WIZ: variants seen among roughly 807,000 people sequenced by gnomAD.
WIZ encodes protein Wiz.
Under a neutral mutation model 140.2 loss-of-function variants are expected in WIZ, and 25 were observed. That is an observed-to-expected ratio of 0.18 (90% CI 0.13 to 0.25). WIZ has a LOEUF of 0.25. WIZ is among the 10% of genes least tolerant of loss of function. The pLI is 1.00. For missense variants in WIZ, 2,231 were observed against 2,632.6 expected (o/e 0.85, Z 3.34); for synonymous variants, 1,125 against 1,154.3 (o/e 0.97, Z 0.51).
rs1437501985 is a variant in WIZ, at chr19:15,428,261, G to A, written c.3663C>T (p.Ala1221=). 6.5e-7 allele frequency: 1 copy of A among 1,528,270 alleles called. No homozygotes were observed. Among genetic ancestry groups the A allele is most frequent in the Admixed American group, 2.0e-5 (1 of 49,898 alleles). The allele number at this position is 1,528,270 out of a possible 1,614,324, so 94.7% of individuals were successfully genotyped here. A position where few individuals can be genotyped will look rare whatever the true frequency, so the allele number is the denominator to read the frequency against. The part of the protein sequence containing the change: ...HPGRPPPTSA[A]LSLLPPPPPA... ...GCGGTGGGGGGGGAAGCAAGGAGAGGGCCGCGGAGGTGGGAGGCGGCCGCC... is the reference window on the plus strand; with the variant it reads ...GCGGTGGGGGGGGAAGCAAGGAGAGAGCCGCGGAGGTGGGAGGCGGCCGCC... Residue 1221 remains alanine (A), a synonymous_variant, in exon 8 of 13, where the codon GCC becomes GCT. Coordinates refer to ENST00000673675, the MANE Select transcript of WIZ (RefSeq NM_001371589.1). The surrounding 1 kb of genome is among the most constrained non-coding windows in gnomAD (Gnocchi z 6.4).
In WIZ at chr19:15,421,025, A is replaced by G. The variant is rs1968348214; in HGVS notation, c.*2051T>C. On this transcript the variant is annotated 3_prime_UTR_variant, in exon 13 of 13. Transcript: ENST00000673675. ...CAGCTACCTGGATGGCTGAGGCAGGAGAATCACTTGAACCCAGGAGGCAGA... is the reference window on the plus strand; with the variant it reads ...CAGCTACCTGGATGGCTGAGGCAGGGGAATCACTTGAACCCAGGAGGCAGA... 6.6e-6 allele frequency: 1 copy of G among 152,246 alleles called. No homozygotes were observed. Among genetic ancestry groups the G allele is most frequent in the Admixed American group, 6.5e-5 (1 of 15,284 alleles). 9.4% of individuals were successfully genotyped at this position (152,246 alleles called of 1,614,324 possible).
Position 15,439,250 on chromosome 19 carries a change from G to A in WIZ, c.1744C>T (p.Pro582Ser). Residue 582 changes from proline to serine, a missense_variant, in exon 4 of 13, where the codon CCC (proline) becomes TCC (serine). This residue lies in a region of WIZ where 475 missense variants were observed against 520.2 expected (regional missense o/e 0.91). Transcript: ENST00000673675. The surrounding 1 kb of genome is among the most constrained non-coding windows in gnomAD (Gnocchi z 7.0). ...TAGGGGGTGGATGCTAGTGTGGAGG[G>A]AAAGGCCAGCCTTCCGAGAGGCCTC... ...GQRPLGRLAF[P>S]STLASTPYSL... 6.5e-7 allele frequency: 1 copy of A among 1,535,256 alleles called. No homozygotes were observed.
intron 3 of WIZ, among the ~76,000 whole-genome samples, chr19:15,441,015 A>AAGAAG (rs1290110994): frequency 1.3e-5 from 2 of 152,090 alleles, no homozygotes; most frequent in African/African-American, 2.4e-5. Flanking sequence ...GGCCACCTCT[A>AAGAAG]AGAAGTCTGG....
intron 2 of WIZ, among the ~76,000 whole-genome samples, chr19:15,443,999 C>T (rs865827949): frequency 7.2e-5 from 11 of 152,194 alleles, no homozygotes; most frequent in African/African-American, 2.2e-4. Context: ...CATCTCTGCC[C>T]GCCACACTTG....
chr19:15,443,323 C>T lies in WIZ; in HGVS notation c.206-575G>A, dbSNP rs538593915. Among the ~76,000 whole-genome samples the T allele has an allele frequency of 3.9e-5, 6 of 152,326 alleles. No homozygotes were observed. In the East Asian group the frequency reaches 1.2e-3, roughly 29 times the overall value. Reference sequence around the variant, plus strand: ...TTGACCTCAAGCGATCCACCCACCTCGGCCTCCCAAAGTGCTAAGATTACA... The same window carrying T: ...TTGACCTCAAGCGATCCACCCACCTTGGCCTCCCAAAGTGCTAAGATTACA... On this transcript the variant is annotated intron_variant, in intron 2 of 12. Transcript: ENST00000673675.
rs1041567746 is a variant in WIZ, at chr19:15,442,394, C to T, written c.278+282G>A. 6.6e-6 allele frequency among the ~76,000 whole-genome samples: 1 copy of T among 152,192 alleles called. No individual in the cohort carries two copies. The highest frequency in any genetic ancestry group is 1.5e-5 in the Non-Finnish European group (1 of 68,030). On this transcript the variant is annotated intron_variant, in intron 3 of 12. Coordinates refer to ENST00000673675, the MANE Select transcript of WIZ (RefSeq NM_001371589.1). The surrounding 1 kb of genome is among the most constrained non-coding windows in gnomAD (Gnocchi z 5.5). ...AGGCCTAGTATCATTCTAAGGGTCA[C>T]CTGGCAGAGAGAGGACTTGAAGGGT... is the stretch of plus-strand genomic sequence containing the variant.
rs750916612 is a variant in WIZ, at chr19:15,431,185, G to A, written c.2741-3C>T. On this transcript the variant is annotated splice_polypyrimidine_tract_variant and splice_region_variant and intron_variant, in intron 5 of 12. Coordinates refer to ENST00000673675, the MANE Select transcript of WIZ (RefSeq NM_001371589.1). Reference sequence around the variant, plus strand: ...TGCGTTTTCCTCAGAACCCAGGCCTGTGGGTTGGGGAGACAGGCTCAGCCC... The same window carrying A: ...TGCGTTTTCCTCAGAACCCAGGCCTATGGGTTGGGGAGACAGGCTCAGCCC... The A allele has an allele frequency of 1.3e-6, 2 of 1,511,378 alleles. No individual in the cohort carries two copies. Among genetic ancestry groups the A allele is most frequent in the South Asian group, 2.4e-5 (2 of 81,708 alleles). The allele number at this position is 1,511,378 out of a possible 1,614,324, so 93.6% of individuals were successfully genotyped here.
chr19:15,440,785 G>A lies in WIZ; in HGVS notation c.279-70C>T. On this transcript the variant is annotated intron_variant, in intron 3 of 12. Coordinates refer to ENST00000673675, the MANE Select transcript of WIZ (RefSeq NM_001371589.1). This position sits in a 1 kb window ranked among gnomAD's most constrained non-coding sequence, Gnocchi z 6.2. ...TTTTCCTTCCTAGGGTGGTGATGGGGGTCCTCCCAGGCCGTTTGAAGCAGG... is the reference window on the plus strand; with the variant it reads ...TTTTCCTTCCTAGGGTGGTGATGGGAGTCCTCCCAGGCCGTTTGAAGCAGG... 1 of 1,410,286 alleles carries A rather than the reference G, an allele frequency of 7.1e-7. No homozygotes were observed. Among genetic ancestry groups the A allele is most frequent in the Non-Finnish European group, 9.3e-7 (1 of 1,075,670 alleles). 87.4% of individuals were successfully genotyped at this position (1,410,286 alleles called of 1,614,324 possible). A position where few individuals can be genotyped will look rare whatever the true frequency, so the allele number is the denominator to read the frequency against.
In WIZ at chr19:15,439,190, G is replaced by A. The variant is rs1160311836; in HGVS notation, c.1804C>T (p.His602Tyr). ...CTCCGTTCCCCCAGCCCTTGTGGGT[G>A]GACGGTGCTTTTGTTTCTCCCGAGC... The part of the protein sequence containing the change: ...LQLGRNKSTV[H>Y]PQGLGERRRP... The change falls in exon 4 of 13, where the codon CAC becomes TAC. Residue 602 changes from histidine to tyrosine, a missense_variant. His to Tyr is a moderately conservative substitution (Grantham distance 83). Coordinates refer to ENST00000673675, the MANE Select transcript of WIZ (RefSeq NM_001371589.1). This position sits in a 1 kb window ranked among gnomAD's most constrained non-coding sequence, Gnocchi z 7.0. 3.3e-6 allele frequency: 5 copies of A among 1,535,568 alleles called. No individual in the cohort carries two copies. The highest frequency in any genetic ancestry group is 1.2e-5 in the South Asian group (1 of 83,920).
In WIZ at chr19:15,427,218, T is replaced by A; in HGVS notation, c.4130A>T (p.Lys1377Met). Residue 1377 changes from lysine to methionine, a missense_variant, in exon 9 of 13, where the codon AAG (lysine) becomes ATG (methionine). Transcript: ENST00000673675. The surrounding 1 kb of genome is among the most constrained non-coding windows in gnomAD (Gnocchi z 6.4). Reference protein sequence around the residue: ...SDLHISPLAKKLPPPPGSPLG... With the variant: ...SDLHISPLAKMLPPPPGSPLG... ...GGGGCTGCCCGGTGGTGGTGGCAACTTCTTGGCCAAGGGTGAGATGTGAAG... is the reference window on the plus strand; with the variant it reads ...GGGGCTGCCCGGTGGTGGTGGCAACATCTTGGCCAAGGGTGAGATGTGAAG... 1 of 1,614,052 alleles carries A rather than the reference T, an allele frequency of 6.2e-7. No individual in the cohort carries two copies. Among genetic ancestry groups the A allele is most frequent in the African/African-American group, 1.3e-5 (1 of 75,008 alleles).
chr19:15,428,731 C>T lies in WIZ; in HGVS notation c.3416-223G>A, dbSNP rs770225035. 1.3e-5 allele frequency among the ~76,000 whole-genome samples: 2 copies of T among 152,128 alleles called. No individual in the cohort carries two copies. Among genetic ancestry groups the T allele is most frequent in the Non-Finnish European group, 2.9e-5 (2 of 68,014 alleles). On this transcript the variant is annotated intron_variant, in intron 7 of 12. Transcript: ENST00000673675. The surrounding 1 kb of genome is among the most constrained non-coding windows in gnomAD (Gnocchi z 6.4). ...AGAGAGCTTAAGGACTTTGGGTAGA[C>T]AGGCAGTGACCAAATTCTAGGTAAT...
Position 15,440,701 on chromosome 19 carries a change from C to T in WIZ, c.293G>A (p.Gly98Asp). 1 of 1,496,420 alleles carries T rather than the reference C, an allele frequency of 6.7e-7. No individual in the cohort carries two copies. Among genetic ancestry groups the T allele is most frequent in the Non-Finnish European group, 8.9e-7 (1 of 1,124,516 alleles). The allele number at this position is 1,496,420 out of a possible 1,614,324, so 92.7% of individuals were successfully genotyped here. Residue 98 changes from glycine (G) to aspartate (D), a missense_variant, in exon 4 of 13, where the codon GGC (glycine) becomes GAC (aspartate). Physicochemically the swap from Gly to Asp is moderately conservative, Grantham distance 94 (BLOSUM62 -1). This residue lies in a region of WIZ where 307 missense variants were observed against 294.1 expected (regional missense o/e 1.04). Transcript: ENST00000673675. This position sits in a 1 kb window ranked among gnomAD's most constrained non-coding sequence, Gnocchi z 6.2. ...GGAGCCCGGCCGGAAGTCCAGGCTG[C>T]CTCCATCCCAGCAGCTGCAAGGAAG... is the stretch of plus-strand genomic sequence containing the variant. ...HRISSCCWDG[G>D]SLDFRPGSPP...
rs927971756 is a variant in WIZ, at chr19:15,427,989, C to T, written c.3814+121G>A. On this transcript the variant is annotated intron_variant, in intron 8 of 12. Coordinates refer to ENST00000673675, the MANE Select transcript of WIZ (RefSeq NM_001371589.1). This position sits in a 1 kb window ranked among gnomAD's most constrained non-coding sequence, Gnocchi z 6.4. ...TGCCAACAAGATCTCTGGGCAGAACCGGCCCACTGCCAAGGGCCCCTGTCT... is the reference window on the plus strand; with the variant it reads ...TGCCAACAAGATCTCTGGGCAGAACTGGCCCACTGCCAAGGGCCCCTGTCT... The T allele has an allele frequency of 8.7e-5, 119 of 1,368,780 alleles. No homozygotes were observed. The highest frequency in any genetic ancestry group is 1.1e-4 in the Non-Finnish European group (116 of 1,034,892). The allele number at this position is 1,368,780 out of a possible 1,614,324, so 84.8% of individuals were successfully genotyped here.
intron 6 of WIZ, among the ~76,000 whole-genome samples, 163 bp from the exon 7 acceptor site, chr19:15,430,252 G>C (rs1279133854): frequency 6.6e-6 from 1 of 152,218 alleles, no homozygotes; most frequent in East Asian, 1.9e-4. Context: ...GCAGAGAATA[G>C]CTTGGCTGCT....
chr19:15,431,251 G>A, intron 5 of WIZ, 69 bp from the exon 6 acceptor site: 4 of 1,414,154 alleles, frequency 2.8e-6, no homozygotes, highest in Non-Finnish European at 3.7e-6. Context: ...CTAAGAAGAT[G>A]GCCTTCTTCC....
intron 4 of WIZ, 44 bp from the exon 5 acceptor site, chr19:15,437,173 C>A: frequency 6.7e-7 from 1 of 1,498,442 alleles, no homozygotes; most frequent in Non-Finnish European, 9.0e-7. Flanking sequence ...GAGGGGGCTA[C>A]TCCCCAGCCC....
chr19:15,448,683 C>A (rs952327770), intron 1 of WIZ, among the ~76,000 whole-genome samples: 1 of 152,088 alleles, frequency 6.6e-6, no homozygotes, highest in Non-Finnish European at 1.5e-5. Flanking sequence ...TTTCTCCAGA[C>A]GCCTCCCTTC....
chr19:15,432,522 T>TGGCGGC (rs1473285192), intron 5 of WIZ: 12 of 229,608 alleles, frequency 5.2e-5, no homozygotes, highest in Middle Eastern at 2.0e-3. Flanking sequence ...GCGGTGGTGG[T>TGGCGGC]GGCGGCGGCG....
At chr19:15,425,154 T>G in intron 10 of WIZ, 87 bp downstream of exon 10, 1 of 1,534,686 alleles carries the variant, frequency 6.5e-7, no homozygotes, top group South Asian at 1.2e-5. Flanking sequence ...GGGGCCCCAC[T>G]TGGGGTCAGT....
Sources: gnomAD v4.1 joint callset for allele counts (sites outside exome capture counted in the v4.1 genomes callset) on GRCh38, gnomAD v4.1.1 for gene constraint, gnomAD v4.1.1 regional missense constraint, Gnocchi (gnomAD v3.1) non-coding constraint, MANE v1.5 for transcripts, NCBI Gene and HGNC (gene_info 2026-07-23, HGNC 2026-07-21) for gene names.